Variants in SYNE1 observed in about 807,000 individuals in gnomAD.
SYNE1 encodes the protein spectrin repeat containing nuclear envelope protein 1.
A neutral mutation model predicts 1,111.0 loss-of-function variants in SYNE1; 616 were observed. That is an observed-to-expected ratio of 0.55 (90% confidence interval 0.52 to 0.59). The LOEUF is 0.59. Among genes scored for constraint, SYNE1 ranks in the 20% least tolerant of loss-of-function variants. SYNE1 has a pLI of 0.00. For missense variants in SYNE1, 10,006 were observed against 10,417.0 expected, an observed-to-expected ratio of 0.96 and a Z score of 1.72; for synonymous variants, 3,855 against 3,825.8, an observed-to-expected ratio of 1.01 and a Z score of -0.28.
chr6:152,407,630 A>G (rs2097919639), intron 44 of SYNE1, among the ~76,000 whole-genome samples: 1 of 152,186 alleles, frequency 6.6e-6, no homozygotes, highest in African/African-American at 2.4e-5. Flanking sequence ...CATAACGCAT[A>G]TGAAAGCAAC....
Position 152,629,522 on chromosome 6 carries a change from C to CGGG in SYNE1, c.-223-971_-223-969dup, listed in dbSNP as rs766614719. On this transcript the variant is annotated intron_variant, in intron 2 of 145. Transcript: ENST00000367255. ...TGCCTGGCTGGTTAAGTTTCATTGC[C>CGGG]GGGGGGGGGGGGGGGAGGGGGAGGG... 6.8e-3 allele frequency among the ~76,000 whole-genome samples: 42 copies of CGGG among 6,138 alleles called. 2 individuals are homozygous for CGGG. Among genetic ancestry groups the CGGG allele is most frequent in the African/African-American group, 0.011 (13 of 1,146 alleles). The allele number at this position is 6,138 out of a possible 152,430, so 4.0% of individuals were successfully genotyped here.
intron 9 of SYNE1, among the ~76,000 whole-genome samples, chr6:152,504,243 G>C: frequency 6.6e-6 from 1 of 152,126 alleles, no homozygotes; most frequent in East Asian, 1.9e-4. Context: ...TAGTGAAAGT[G>C]GGGTGGGGGC....
chr6:152,615,089 C>T (rs958695008), intron 3 of SYNE1, among the ~76,000 whole-genome samples: 1 of 152,098 alleles, frequency 6.6e-6, no homozygotes, highest in Non-Finnish European at 1.5e-5. Context: ...ACGTATAAAC[C>T]TGCACATGTA....
In SYNE1 at chr6:152,236,995, G is replaced by A. The variant is rs374801860; in HGVS notation, c.20068-47C>T. ...GTGAGCTAAAAAAACCCTCATTAGCGAAAGACATTCTTCCTTGGGTGCAAA... is the reference window on the plus strand; with the variant it reads ...GTGAGCTAAAAAAACCCTCATTAGCAAAAGACATTCTTCCTTGGGTGCAAA... On this transcript the variant is annotated intron_variant, in intron 108 of 145. Transcript: ENST00000367255. The A allele has an allele frequency of 3.8e-5, 61 of 1,607,494 alleles. 1 individual carries two copies. The Middle Eastern group carries it at 5.6e-4, about 15-fold the overall frequency.
chr6:152,392,998 G>A (rs76322236), intron 51 of SYNE1, among the ~76,000 whole-genome samples: 3,378 of 152,204 alleles, frequency 0.022, 110 homozygotes, highest in African/African-American at 0.073. Context: ...AGGTGGCCCC[G>A]TGGAGAACCT....
At chr6:152,272,085 A>G (rs2093255574) in intron 98 of SYNE1, among the ~76,000 whole-genome samples, 1 of 152,222 alleles carries the variant, frequency 6.6e-6, no homozygotes, top group South Asian at 2.1e-4. Context: ...TTATATGCAC[A>G]GATATATATT....
chr6:152,428,107 T>G lies in SYNE1; in HGVS notation c.4976+98A>C, dbSNP rs1050069156. The G allele has an allele frequency of 2.0e-5, 31 of 1,519,408 alleles. 4 individuals carry two copies. The Admixed American group carries it at 2.5e-4, about 12-fold the overall frequency. 94.1% of individuals were successfully genotyped at this position (1,519,408 alleles called of 1,614,324 possible). A position where few individuals can be genotyped will look rare whatever the true frequency, so the allele number is the denominator to read the frequency against. ...TACAGTAGACCCACAAGTTCACGTC[T>G]TTTGCATCTGGGATAACTACTCCCC... On this transcript the variant is annotated intron_variant, in intron 37 of 145. Coordinates refer to ENST00000367255, the MANE Select transcript of SYNE1 (RefSeq NM_182961.4).
At chr6:152,479,318 G>T (rs186766634) in intron 14 of SYNE1, among the ~76,000 whole-genome samples, 14 of 152,316 alleles carry the variant, frequency 9.2e-5, no homozygotes, top group Admixed American at 7.2e-4. Context: ...GAAGGCAAGT[G>T]ACCTAGGTAG....
At chr6:152,579,797 A>G (rs890955963) in intron 3 of SYNE1, among the ~76,000 whole-genome samples, 1 of 152,136 alleles carries the variant, frequency 6.6e-6, no homozygotes, top group African/African-American at 2.4e-5. Context: ...TCCTGTGTTA[A>G]TTCGCTTAGG....
At chr6:152,221,659 T>G in intron 117 of SYNE1, 100 bp from the exon 118 acceptor site, 1 of 1,476,740 alleles carries the variant, frequency 6.8e-7, no homozygotes, top group East Asian at 2.3e-5. Context: ...TATGTACATA[T>G]ACTTGTATAA....
intron 3 of SYNE1, among the ~76,000 whole-genome samples, chr6:152,568,743 A>G (rs751201492): frequency 1.3e-4 from 20 of 152,030 alleles, no homozygotes; most frequent in Non-Finnish European, 2.5e-4. Context: ...GAGTAGCTAG[A>G]ACTACAGGCT....
chr6:152,404,116 T>TATACAC, intron 46 of SYNE1, 97 bp downstream of exon 46: 1 of 616,588 alleles, frequency 1.6e-6, no homozygotes, highest in Admixed American at 2.2e-5. Flanking sequence ...TATATATATA[T>TATACAC]ACACACACAC....
Position 152,536,780 on chromosome 6 carries a change from T to C in SYNE1, c.129+3180A>G, listed in dbSNP as rs112524669. On this transcript the variant is annotated intron_variant, in intron 4 of 145. Transcript: ENST00000367255. Reference sequence around the variant, plus strand: ...GATTCCAATTAATTACTCAGTTCTATCAAGTCCACTCCTAAACATCTTTTC... The same window carrying C: ...GATTCCAATTAATTACTCAGTTCTACCAAGTCCACTCCTAAACATCTTTTC... 1.3e-3 allele frequency among the ~76,000 whole-genome samples: 203 copies of C among 152,176 alleles called. 1 individual carries two copies. Among genetic ancestry groups the C allele is most frequent in the African/African-American group, 4.5e-3 (188 of 41,540 alleles).
At chr6:152,362,096 C>T in intron 64 of SYNE1, 74 bp downstream of exon 64, 2 of 1,608,406 alleles carry the variant, frequency 1.2e-6, no homozygotes, top group Non-Finnish European at 1.7e-6. Flanking sequence ...TACACGTAAT[C>T]CCATTTTTGT....
chr6:152,450,855 TA>T (rs1192115907), intron 26 of SYNE1, 22 bp from the exon 27 acceptor site: 1 of 1,612,530 alleles, frequency 6.2e-7, no homozygotes, highest in Non-Finnish European at 8.5e-7. Context: ...TAAATGTTTT[TA>T]TAATCCCTGT....
chr6:152,345,620 T>A (rs2096615380), intron 73 of SYNE1, among the ~76,000 whole-genome samples: 1 of 151,996 alleles, frequency 6.6e-6, no homozygotes, highest in Non-Finnish European at 1.5e-5. Context: ...TCACTCAGAA[T>A]TTTTTTTATT....
At chr6:152,150,410 A>G (rs1171267339) in intron 135 of SYNE1, among the ~76,000 whole-genome samples, 1 of 152,240 alleles carries the variant, frequency 6.6e-6, no homozygotes, top group Non-Finnish European at 1.5e-5. Context: ...AGATTCAATT[A>G]CACTTGGCAG....
At position 152,330,789 on chromosome 6, in the gene SYNE1, C is replaced by T. The variant is rs1371756749; in HGVS notation, c.13896G>A (p.Ser4632=). ...GGTAGGAATGATCGACTTCATTCAG[C>T]GATGGTAATATGGTCTGCCCAGTTC... ...LQRTGQTILP[S]LNEVDHSYLS... Residue 4632 remains serine (S), a synonymous_variant, in exon 78 of 146, where the codon TCG becomes TCA. Coordinates refer to ENST00000367255, the MANE Select transcript of SYNE1 (RefSeq NM_182961.4). The T allele has an allele frequency of 1.9e-5, 30 of 1,613,854 alleles. No individual in the cohort carries two copies. The highest frequency in any genetic ancestry group is 6.7e-5 in the African/African-American group (5 of 75,026).
At chr6:152,353,847 A>T (rs1410382599) in intron 67 of SYNE1, 103 bp from the exon 68 acceptor site, 3 of 1,455,480 alleles carry the variant, frequency 2.1e-6, no homozygotes, top group Admixed American at 1.7e-5. Flanking sequence ...GGTTTAGAAG[A>T]TGTTTATTTT....
Sources: allele counts gnomAD v4.1 joint callset (sites outside exome capture counted in the v4.1 genomes callset), GRCh38; gene constraint gnomAD v4.1.1; transcripts MANE v1.5; gene names NCBI Gene and HGNC (gene_info 2026-07-23, HGNC 2026-07-21).